The following PAG1 variants were observed in gnomAD, a reference collection of about 807,000 sequenced individuals.
PAG1 encodes the protein phosphoprotein associated with glycosphingolipid-enriched microdomains 1.
PAG1 carries 23 observed loss-of-function variants against 31.7 expected under a neutral mutation model. That is an observed-to-expected ratio of 0.73 (90% confidence interval 0.52 to 1.03). PAG1 has a LOEUF of 1.03. Among genes scored for constraint, PAG1 ranks in the 50% least tolerant of loss-of-function variants. The pLI is 0.00. For missense variants in PAG1, 473 were observed against 540.7 expected (o/e 0.87, Z 1.24); for synonymous variants, 214 against 210.3 (o/e 1.02, Z -0.15).
chr8:81,037,572 A>C (rs1808481725), intron 2 of PAG1, among the ~76,000 whole-genome samples: 1 of 152,268 alleles, frequency 6.6e-6, no homozygotes, highest in Non-Finnish European at 1.5e-5. Context: ...GAAGCTCTAT[A>C]GCATGCTTCT....
intron 2 of PAG1, among the ~76,000 whole-genome samples, chr8:81,030,296 A>G (rs1808357980): frequency 6.6e-6 from 1 of 152,254 alleles, no homozygotes; most frequent in Non-Finnish European, 1.5e-5. Flanking sequence ...TTCAATAAAG[A>G]AAACTTCCTA....
intron 3 of PAG1, among the ~76,000 whole-genome samples, chr8:81,022,906 G>A (rs1808214534): frequency 6.6e-6 from 1 of 152,166 alleles, no homozygotes; most frequent in Middle Eastern, 3.4e-3. Context: ...TCTCCCTTCT[G>A]CAACTGACCA....
intron 1 of PAG1, among the ~76,000 whole-genome samples, chr8:81,086,154 T>G (rs1374146059): frequency 6.6e-6 from 1 of 150,980 alleles, no homozygotes; most frequent in African/African-American, 2.4e-5. Flanking sequence ...GCTAATTTTT[T>G]GTATTTTTAG....
intron 1 of PAG1, among the ~76,000 whole-genome samples, chr8:81,087,300 A>G (rs1275894009): frequency 2.0e-5 from 3 of 148,466 alleles, no homozygotes; most frequent in Admixed American, 6.8e-5. Context: ...CCGAGATCAC[A>G]CCATTGCACT....
chr8:81,095,496 A>C (rs1809515042), intron 1 of PAG1, among the ~76,000 whole-genome samples: 1 of 152,170 alleles, frequency 6.6e-6, no homozygotes, highest in African/African-American at 2.4e-5. Flanking sequence ...GTCTCAATTC[A>C]TGCAAACCCT....
At chr8:81,104,746 T>C (rs1320573881) in intron 1 of PAG1, among the ~76,000 whole-genome samples, 4 of 152,152 alleles carry the variant, frequency 2.6e-5, no homozygotes, top group African/African-American at 4.8e-5. Context: ...CGCTTATCAG[T>C]GGGAGTTTAG....
intron 1 of PAG1, among the ~76,000 whole-genome samples, chr8:81,074,711 C>T (rs886091140): frequency 2.0e-5 from 3 of 152,154 alleles, no homozygotes; most frequent in African/African-American, 7.2e-5. Flanking sequence ...GTGATTCACA[C>T]TAAATTTGGG....
At chr8:81,104,878 T>G (rs1201232832) in intron 1 of PAG1, among the ~76,000 whole-genome samples, 1 of 152,054 alleles carries the variant, frequency 6.6e-6, no homozygotes, top group Non-Finnish European at 1.5e-5. Context: ...CTCAAATTCA[T>G]CTACAAAACT....
At chr8:81,073,575 T>C (rs761884506) in intron 1 of PAG1, among the ~76,000 whole-genome samples, 31 of 152,232 alleles carry the variant, frequency 2.0e-4, no homozygotes, top group Non-Finnish European at 4.3e-4. Flanking sequence ...CAGTTCTTCC[T>C]AGTTGGCTTT....
rs1308203477 is a variant in PAG1, at chr8:80,980,446, T to A, written c.925A>T (p.Thr309Ser). Residue 309 changes from threonine to serine, a missense_variant, in exon 8 of 9, where the codon ACA becomes TCA. Physicochemically the swap from Thr to Ser is moderately conservative, Grantham distance 58 (BLOSUM62 1). Transcript: ENST00000220597. Reference protein sequence around the residue: ...YKSREEDPTLTEEEISAMYSS... With the variant: ...YKSREEDPTLSEEEISAMYSS... ...GAAACAAAACTTACCTCTTCTTCTG[T>A]GAGAGTGGGGTCTTCTTCCCGAGAC... 6.3e-7 allele frequency: 1 copy of A among 1,594,300 alleles called. No individual in the cohort carries two copies. The highest frequency in any genetic ancestry group is 8.6e-7 in the Non-Finnish European group (1 of 1,162,332).
intron 3 of PAG1, among the ~76,000 whole-genome samples, chr8:81,014,652 C>T (rs1808042056): frequency 6.6e-6 from 1 of 152,178 alleles, no homozygotes; most frequent in African/African-American, 2.4e-5. Flanking sequence ...GCCACGTAAA[C>T]ATGTCTTTGT....
intron 2 of PAG1, among the ~76,000 whole-genome samples, chr8:81,045,696 C>G (rs1808630327): frequency 6.6e-6 from 1 of 152,186 alleles, no homozygotes; most frequent in Admixed American, 6.5e-5. Flanking sequence ...GTGAAAGATA[C>G]TATATCTCAA....
chr8:81,096,686 A>G (rs1331533237), intron 1 of PAG1, among the ~76,000 whole-genome samples: 2 of 152,194 alleles, frequency 1.3e-5, no homozygotes, highest in Non-Finnish European at 2.9e-5. Flanking sequence ...GGGAGGGTGC[A>G]TGGCTTTGGT....
At chr8:81,091,842 AG>A (rs200090764) in intron 1 of PAG1, among the ~76,000 whole-genome samples, 1 of 151,500 alleles carries the variant, frequency 6.6e-6, no homozygotes, top group Non-Finnish European at 1.5e-5. Context: ...AAGAAGAAGA[AG>A]AAAAAAAAAC....
At chr8:81,084,595 C>T (rs774342725) in intron 1 of PAG1, among the ~76,000 whole-genome samples, 4 of 152,036 alleles carry the variant, frequency 2.6e-5, no homozygotes, top group African/African-American at 4.8e-5. Context: ...ACCCTTAATA[C>T]GAGAGGTTTT....
rs537821277 is a variant in PAG1 at position 80,998,025 on chromosome 8, G to T, written c.-80-4718C>A. ...TCTCATTAATTATTTTGGACTAAAA[G>T]GTCCATACTCTCTTACCCTTTTATA... is the stretch of plus-strand genomic sequence containing the variant. On this transcript the variant is annotated intron_variant, in intron 3 of 8. Transcript: ENST00000220597. 2.0e-5 allele frequency among the ~76,000 whole-genome samples: 3 copies of T among 152,080 alleles called. No individual in the cohort carries two copies. The South Asian group carries it at 6.2e-4, about 32-fold the overall frequency.
rs1229078870 is a variant in PAG1, at chr8:81,035,713, C to CT, written c.-174-5625dup. On this transcript the variant is annotated intron_variant, in intron 2 of 8. Coordinates refer to ENST00000220597, the MANE Select transcript of PAG1 (RefSeq NM_018440.4). ...GGCACTGTCATTTTCTGGATGTTCTCTTCTAAAAGATCAAGCTCAAAGGCA... is the reference window on the plus strand; with the variant it reads ...GGCACTGTCATTTTCTGGATGTTCTCTTTCTAAAAGATCAAGCTCAAAGGCA... Among the ~76,000 whole-genome samples, 11 of 152,186 alleles carry CT rather than the reference C, an allele frequency of 7.2e-5. No homozygotes were observed. The East Asian group carries it at 1.7e-3, about 24-fold the overall frequency.
At chr8:81,025,150 TTTC>T (rs1808253383) in intron 3 of PAG1, among the ~76,000 whole-genome samples, 1 of 151,486 alleles carries the variant, frequency 6.6e-6, no homozygotes, top group African/African-American at 2.4e-5. Flanking sequence ...TGACGGTGGA[TTTC>T]TTTTTTTTTT....
intron 2 of PAG1, among the ~76,000 whole-genome samples, chr8:81,035,425 T>C (rs1808446817): frequency 6.6e-6 from 1 of 152,140 alleles, no homozygotes; most frequent in Non-Finnish European, 1.5e-5. Context: ...GTCATCCTAG[T>C]GTTCACTGGG....
Sources: gnomAD v4.1 joint callset for allele counts (sites outside exome capture counted in the v4.1 genomes callset) on GRCh38, gnomAD v4.1.1 for gene constraint, MANE v1.5 for transcripts, NCBI Gene and HGNC (gene_info 2026-07-23, HGNC 2026-07-21) for gene names.